The following KAT14 variants were observed in gnomAD, a reference collection of about 807,000 sequenced individuals.
The protein encoded by KAT14 is cysteine-rich protein 2-binding protein.
A neutral mutation model predicts 78.4 loss-of-function variants in KAT14; 66 were observed. That is an observed-to-expected ratio of 0.84 (90% CI 0.69 to 1.03). KAT14 has a LOEUF of 1.03. Among genes scored for constraint, KAT14 ranks in the 50% least tolerant of loss-of-function variants. The pLI is 0.00. For synonymous variants in KAT14, 344 were observed against 359.4 expected (o/e 0.96, Z 0.48); for missense variants, 870 against 972.5 (o/e 0.89, Z 1.40).
chr20:18,149,065 A>G (rs143556279), intron 3 of KAT14, among the ~76,000 whole-genome samples: 252 of 152,336 alleles, frequency 1.7e-3, no homozygotes, highest in African/African-American at 5.7e-3. Context: ...AAATGTCTCA[A>G]TTATACAAAA....
intron 3 of KAT14, 119 bp downstream of exon 3, chr20:18,145,470 C>T (rs892854831): frequency 7.8e-6 from 11 of 1,402,708 alleles, no homozygotes; most frequent in South Asian, 1.4e-5. Flanking sequence ...CTTTTTATTT[C>T]GCAATGAAAT....
At chr20:18,147,469 C>A (rs968302208) in intron 3 of KAT14, among the ~76,000 whole-genome samples, 3 of 152,040 alleles carry the variant, frequency 2.0e-5, no homozygotes, top group Non-Finnish European at 1.5e-5. Flanking sequence ...TGTAAATTTT[C>A]AAAAATGTGA....
chr20:18,159,670 A>G (rs76192714), intron 5 of KAT14, among the ~76,000 whole-genome samples: 7,277 of 152,206 alleles, frequency 0.048, 216 homozygotes, highest in Middle Eastern at 0.089. Flanking sequence ...CTTTTCCCCA[A>G]CCTTCCCCAT....
rs1224395217 is a variant in KAT14, at chr20:18,142,490, G to T, written c.-171G>T. 3.4e-6 allele frequency: 5 copies of T among 1,455,564 alleles called. No homozygotes were observed. Among genetic ancestry groups the T allele is most frequent in the Non-Finnish European group, 4.5e-6 (5 of 1,108,636 alleles). 90.2% of individuals were successfully genotyped at this position (1,455,564 alleles called of 1,614,324 possible). On this transcript the variant is annotated 5_prime_UTR_variant, in exon 2 of 11. Transcript: ENST00000688188. ...AAACTTGATCAAATAAAGGACAGTG[G>T]GTCATATAAGTTACTGCTTTCAGGG...
intron 9 of KAT14, 115 bp from the exon 10 acceptor site, chr20:18,184,487 T>G (rs1381144365): frequency 3.4e-5 from 16 of 468,684 alleles, no homozygotes; most frequent in South Asian, 4.9e-5. Context: ...GTTTTGGTGT[T>G]TTTTTTTTTT....
At position 18,172,147 on chromosome 20, in the gene KAT14, G is replaced by A. The variant is rs184340412; in HGVS notation, c.1668+9202G>A. Among the ~76,000 whole-genome samples, 13 of 151,936 alleles carry A rather than the reference G, an allele frequency of 8.6e-5. No homozygotes were observed. In the East Asian group the frequency reaches 2.5e-3, roughly 30 times the overall value. On this transcript the variant is annotated intron_variant, in intron 7 of 10. Transcript: ENST00000688188. The stretch of plus-strand genomic sequence containing the variant: ...GACAGAGTCTCACTCTGTCACCCAG[G>A]CTGGAGTGCAGTGGTGCGATCTCGG...
At chr20:18,183,063 T>C in intron 8 of KAT14, 60 bp from the exon 9 acceptor site, 1 of 1,544,576 alleles carries the variant, frequency 6.5e-7, no homozygotes, top group Admixed American at 2.0e-5. Flanking sequence ...GTCAAAAAGC[T>C]AGGAATAATA....
intron 2 of KAT14, among the ~76,000 whole-genome samples, chr20:18,143,457 ATTTTC>A (rs1303044906): frequency 1.4e-5 from 2 of 145,814 alleles, no homozygotes; most frequent in Non-Finnish European, 1.5e-5. Flanking sequence ...CAATCTTGAG[ATTTTC>A]TTTTCTTTCT....
intron 2 of KAT14, among the ~76,000 whole-genome samples, chr20:18,143,562 G>C (rs1287691227): frequency 6.7e-6 from 1 of 149,600 alleles, no homozygotes; most frequent in African/African-American, 2.5e-5. Flanking sequence ...CGATTCTCCT[G>C]CCTCAGCCTC....
At chr20:18,156,111 T>C (rs1349099171) in intron 4 of KAT14, among the ~76,000 whole-genome samples, 2 of 151,864 alleles carry the variant, frequency 1.3e-5, no homozygotes, top group Non-Finnish European at 2.9e-5. Context: ...TTGAGGACAT[T>C]ATGCTGTGTG....
chr20:18,158,958 C>A, intron 4 of KAT14, 126 bp from the exon 5 acceptor site: 2 of 1,190,904 alleles, frequency 1.7e-6, no homozygotes, highest in Non-Finnish European at 2.3e-6. Context: ...GCCTCTCGTG[C>A]TCTGCTCCTT....
Position 18,142,440 on chromosome 20 carries a change from CTTTT to C in KAT14, c.-215_-212del, listed in dbSNP as rs78016265. The stretch of plus-strand genomic sequence containing the variant: ...GAGAGTAGCTTAGTAGTATCTTCAT[CTTTT>C]TTTTTGGTCACTGTCCTTTTAAACT... On this transcript the variant is annotated 5_prime_UTR_variant, in exon 2 of 11. The change creates a premature stop within an existing upstream ORF in the 5' untranslated region. Coordinates refer to ENST00000688188, the MANE Select transcript of KAT14 (RefSeq NM_001392073.1). 1.4e-6 allele frequency: 2 copies of C among 1,451,022 alleles called. No homozygotes were observed. The highest frequency in any genetic ancestry group is 1.8e-6 in the Non-Finnish European group (2 of 1,106,674). 89.9% of individuals were successfully genotyped at this position (1,451,022 alleles called of 1,614,324 possible). A position where few individuals can be genotyped will look rare whatever the true frequency, so the allele number is the denominator to read the frequency against.
intron 7 of KAT14, among the ~76,000 whole-genome samples, 173 bp from the exon 8 acceptor site, chr20:18,181,537 A>G (rs936090707): frequency 3.3e-5 from 5 of 151,898 alleles, no homozygotes; most frequent in African/African-American, 1.2e-4. Context: ...CGGCCGGCTA[A>G]TTTTTGTATT....
At chr20:18,174,094 C>T (rs1323332872) in intron 7 of KAT14, among the ~76,000 whole-genome samples, 1 of 152,172 alleles carries the variant, frequency 6.6e-6, no homozygotes, top group African/African-American at 2.4e-5. Flanking sequence ...TTGGTGAACA[C>T]TTTCTTTCAC....
intron 1 of KAT14, chr20:18,138,279 G>A: frequency 8.2e-7 from 1 of 1,217,866 alleles, no homozygotes; most frequent in Non-Finnish European, 1.0e-6. Flanking sequence ...AGGACGACCC[G>A]GCTGCCCGGC....
chr20:18,176,449 A>T (rs1020616445), intron 7 of KAT14, among the ~76,000 whole-genome samples: 6 of 152,226 alleles, frequency 3.9e-5, no homozygotes, highest in African/African-American at 1.4e-4. Flanking sequence ...AGATTACATC[A>T]TGCAGAGTGA....
chr20:18,157,495 G>C (rs2038266153), intron 4 of KAT14, among the ~76,000 whole-genome samples: 1 of 152,168 alleles, frequency 6.6e-6, no homozygotes, highest in Non-Finnish European at 1.5e-5. Context: ...AGTTCCAAGT[G>C]TACAGTTCAG....
At chr20:18,144,954 A>G (rs930468944) in intron 2 of KAT14, 1 of 568,080 alleles carries the variant, frequency 1.8e-6, no homozygotes, top group Non-Finnish European at 2.5e-6. Flanking sequence ...TCTGGGAGTC[A>G]GGAATGTGAC....
intron 2 of KAT14, among the ~76,000 whole-genome samples, chr20:18,143,615 A>ATTTTTTTTTTTTTTTTTTTTT (rs201858697): frequency 9.6e-6 from 1 of 103,998 alleles, no homozygotes; most frequent in Admixed American, 1.0e-4. Flanking sequence ...CACCTGGCTA[A>ATTTTTTTTTTTTTTTTTTTTT]TTTTTTTTTT....
Sources: gnomAD v4.1 joint callset for allele counts (sites outside exome capture counted in the v4.1 genomes callset) on GRCh38, gnomAD v4.1.1 for gene constraint, MANE v1.5 for transcripts, NCBI Gene and HGNC (gene_info 2026-07-23, HGNC 2026-07-21) for gene names.